The following DHX36 variants were observed in gnomAD, a reference collection of about 807,000 sequenced individuals.
The protein encoded by DHX36 is DEAH-box helicase 36.
A neutral mutation model predicts 139.0 loss-of-function variants in DHX36; 50 were observed. That is an observed-to-expected ratio of 0.36 (90% CI 0.29 to 0.46). The LOEUF (loss-of-function observed/expected upper bound fraction) is 0.46, where lower values mean the gene tolerates loss of function less well. DHX36 is among the 20% of genes least tolerant of loss of function. The pLI, the probability that DHX36 is intolerant of heterozygous loss-of-function variation, is 1.00. For missense variants in DHX36, 1,024 were observed against 1,211.3 expected, an observed-to-expected ratio of 0.85 and a Z score of 2.29; for synonymous variants, 425 against 401.9, an observed-to-expected ratio of 1.06 and a Z score of -0.69.
At chr3:154,302,856 T>C (rs1277450116) in intron 9 of DHX36, among the ~76,000 whole-genome samples, 1 of 152,086 alleles carries the variant, frequency 6.6e-6, no homozygotes, top group Non-Finnish European at 1.5e-5. Context: ...GGCAGGCAAA[T>C]CACTTGAGGT....
intron 5 of DHX36, 52 bp from the exon 6 acceptor site, chr3:154,306,347 T>C (rs746110460): frequency 6.9e-7 from 1 of 1,446,992 alleles, no homozygotes; most frequent in Admixed American, 1.7e-5. Context: ...AGAACAAATA[T>C]CCTGAATGTC....
chr3:154,322,185 T>C (rs559968708), intron 1 of DHX36, among the ~76,000 whole-genome samples: 4 of 152,298 alleles, frequency 2.6e-5, no homozygotes, highest in South Asian at 2.1e-4. Context: ...ACTGGAGACA[T>C]GGGCTCAGAG....
chr3:154,318,841 G>C (rs1713085003), intron 1 of DHX36, among the ~76,000 whole-genome samples: 2 of 152,234 alleles, frequency 1.3e-5, no homozygotes, highest in South Asian at 4.1e-4. Flanking sequence ...TTGAAAAGAG[G>C]TTATTCACTC....
intron 1 of DHX36, among the ~76,000 whole-genome samples, chr3:154,317,171 C>A (rs1713019811): frequency 6.6e-6 from 1 of 151,966 alleles, no homozygotes; most frequent in Non-Finnish European, 1.5e-5. Context: ...GAGAGAGCAG[C>A]AGTAAGATGA....
chr3:154,287,008 ATAAAGCTAGAG>A (rs1341374596), intron 17 of DHX36, among the ~76,000 whole-genome samples: 1 of 152,142 alleles, frequency 6.6e-6, no homozygotes, highest in Non-Finnish European at 1.5e-5. Context: ...AAGATTTATC[ATAAAGCTAGAG>A]TAATTAAGGC....
intron 5 of DHX36, among the ~76,000 whole-genome samples, chr3:154,309,275 T>C (rs868671439): frequency 1.2e-4 from 19 of 152,096 alleles, no homozygotes; most frequent in Middle Eastern, 6.8e-3. Flanking sequence ...TTCAGTGTAT[T>C]TACATACTCA....
At chr3:154,310,335 A>G (rs889745807) in intron 4 of DHX36, among the ~76,000 whole-genome samples, 4 of 152,132 alleles carry the variant, frequency 2.6e-5, no homozygotes, top group Non-Finnish European at 5.9e-5. Flanking sequence ...AGAAAACCTC[A>G]TATTTGGGTT....
At chr3:154,288,129 C>G (rs1352680242) in intron 17 of DHX36, among the ~76,000 whole-genome samples, 2 of 87,634 alleles carry the variant, frequency 2.3e-5, no homozygotes, top group African/African-American at 4.6e-5. Flanking sequence ...GCCTGGGTGA[C>G]AAAGTGAGAC....
chr3:154,321,692 C>T (rs1172832921), intron 1 of DHX36, among the ~76,000 whole-genome samples: 1 of 152,220 alleles, frequency 6.6e-6, no homozygotes, highest in East Asian at 1.9e-4. Context: ...GGCGCCATGG[C>T]TCACGCCTGT....
intron 2 of DHX36, 144 bp downstream of exon 2, chr3:154,315,895 T>G (rs941787603): frequency 2.2e-5 from 22 of 1,002,754 alleles, no homozygotes; most frequent in Non-Finnish European, 1.4e-6. Context: ...TTTTTAAAAG[T>G]CATTTTCTAA....
Position 154,272,653 on chromosome 3 carries a change from T to C in DHX36, c.*3518A>G, listed in dbSNP as rs1719031916. Reference sequence around the variant, plus strand: ...TGGAACAATGGTAACATGATTTACTTTGCTACATTTCCAAATATTGTCCAG... The same window carrying C: ...TGGAACAATGGTAACATGATTTACTCTGCTACATTTCCAAATATTGTCCAG... On this transcript the variant is annotated 3_prime_UTR_variant, in exon 25 of 25. Coordinates refer to ENST00000496811, the MANE Select transcript of DHX36 (RefSeq NM_020865.3). 2 of 151,792 alleles carry C rather than the reference T, an allele frequency of 1.3e-5. No individual in the cohort carries two copies. 9.4% of individuals were successfully genotyped at this position (151,792 alleles called of 1,614,324 possible).
At chr3:154,304,704 G>C in intron 8 of DHX36, 102 bp downstream of exon 8, 1 of 860,018 alleles carries the variant, frequency 1.2e-6, no homozygotes, top group Non-Finnish European at 1.7e-6. Context: ...AAAATTAACA[G>C]CTAAACATTC....
chr3:154,324,147 C>A, intron 1 of DHX36, 27 bp downstream of exon 1: 1 of 1,589,544 alleles, frequency 6.3e-7, no homozygotes, highest in Non-Finnish European at 8.6e-7. Context: ...GCTGCCTCAT[C>A]CTCTCCACTA....
intron 22 of DHX36, chr3:154,279,473 A>C (rs1428775202): frequency 6.6e-6 from 1 of 152,166 alleles, no homozygotes; most frequent in African/African-American, 2.4e-5. Flanking sequence ...ACACACATAC[A>C]AAAAAATTTC....
At chr3:154,293,155 C>T (rs1711888698) in intron 14 of DHX36, among the ~76,000 whole-genome samples, 1 of 152,108 alleles carries the variant, frequency 6.6e-6, no homozygotes. Context: ...CCAAATACTA[C>T]CCCCAACCAG....
chr3:154,314,994 T>A (rs778658734), intron 3 of DHX36, 52 bp downstream of exon 3: 510 of 1,295,820 alleles, frequency 3.9e-4, no homozygotes, highest in Non-Finnish European at 5.3e-4. Flanking sequence ...CATACATTTT[T>A]ATAAAGTGTA....
At chr3:154,319,319 C>T (rs1464290134) in intron 1 of DHX36, 1 of 152,114 alleles carries the variant, frequency 6.6e-6, no homozygotes, top group Non-Finnish European at 1.5e-5. Flanking sequence ...TAAATGATGT[C>T]CATCAAATTT....
intron 15 of DHX36, among the ~76,000 whole-genome samples, chr3:154,292,160 T>G (rs1446011998): frequency 1.3e-5 from 2 of 152,198 alleles, no homozygotes; most frequent in Non-Finnish European, 2.9e-5. Flanking sequence ...ATGGATATAA[T>G]AACCTACCTC....
At position 154,299,636 on chromosome 3, in the gene DHX36, T is replaced by C. The variant is rs1385919123; in HGVS notation, c.1549+202A>G. 7 of 557,102 alleles carry C rather than the reference T, an allele frequency of 1.3e-5. No individual in the cohort carries two copies. In the Admixed American group the frequency reaches 1.8e-4, roughly 14 times the overall value. 34.5% of individuals were successfully genotyped at this position (557,102 alleles called of 1,614,324 possible). A position where few individuals can be genotyped will look rare whatever the true frequency, so the allele number is the denominator to read the frequency against. ...AAGTGAAAAAATGAAAAACCTCACA[T>C]ACCTATGCTTTAAGAGCCAATTTTA... On this transcript the variant is annotated intron_variant, in intron 12 of 24. Transcript: ENST00000496811.
Sources: allele counts gnomAD v4.1 joint callset (sites outside exome capture counted in the v4.1 genomes callset), GRCh38; gene constraint gnomAD v4.1.1; transcripts MANE v1.5; gene names NCBI Gene and HGNC (gene_info 2026-07-23, HGNC 2026-07-21).